Variants in RTL4 observed in about 807,000 individuals in gnomAD.
RTL4 encodes retrotransposon Gag-like protein 4.
A neutral mutation model predicts 5.3 loss-of-function variants in RTL4; 4 were observed. The ratio of observed to expected loss-of-function variants is 0.75; its 90% confidence interval spans 0.37 to 1.72. The LOEUF (loss-of-function observed/expected upper bound fraction) is 1.72, where lower values mean the gene tolerates loss of function less well. RTL4 is among the 40% of genes most tolerant of loss of function. The pLI is 0.04. For missense variants in RTL4, 260 were observed against 227.1 expected (o/e 1.14, Z -0.93); for synonymous variants, 98 against 87.3 (o/e 1.12, Z -0.68).
chrX:112,221,858 T>C, the RTL4 span, among the ~76,000 whole-genome samples: 2 of 112,778 alleles, frequency 1.8e-5, no homozygotes, highest in African/African-American at 6.4e-5. Flanking sequence ...ATTACTTTCA[T>C]TGTTTGGATG....
chrX:112,162,842 C>T, the RTL4 span, among the ~76,000 whole-genome samples: 3 of 109,806 alleles, frequency 2.7e-5, no homozygotes, highest in Admixed American at 9.7e-5. Flanking sequence ...GATCCTAAGG[C>T]GGGTAGTCTT....
the RTL4 span, among the ~76,000 whole-genome samples, chrX:112,139,242 A>C: frequency 9.0e-6 from 1 of 111,502 alleles, no homozygotes; most frequent in African/African-American, 3.3e-5. Context: ...ATTAACCTTG[A>C]TCACTTGGTT....
chrX:112,420,368 T>A, the RTL4 span, among the ~76,000 whole-genome samples: 2 of 111,192 alleles, frequency 1.8e-5, no homozygotes, highest in Non-Finnish European at 3.8e-5. Context: ...TTTTGTTGTG[T>A]CAAGAGATGT....
At chrX:112,347,435 TG>T in the RTL4 span, among the ~76,000 whole-genome samples, 2 of 111,123 alleles carry the variant, frequency 1.8e-5, no homozygotes, top group South Asian at 7.5e-4. Context: ...TCTGACTAGG[TG>T]GGGATAAGAG....
the RTL4 span, among the ~76,000 whole-genome samples, chrX:112,402,043 T>C: frequency 8.9e-6 from 1 of 112,164 alleles, no homozygotes; most frequent in Non-Finnish European, 1.9e-5. Context: ...TCTAGCTTAG[T>C]GTACCTTCTT....
chrX:112,199,288 CAAAAAAAAAA>C, the RTL4 span, among the ~76,000 whole-genome samples: 2 of 34,174 alleles, frequency 5.9e-5, no homozygotes, highest in Non-Finnish European at 1.1e-4. Flanking sequence ...GGCTCCGTCT[CAAAAAAAAAA>C]AAAAAAAAAA....
chrX:112,139,839 G>A, the RTL4 span, among the ~76,000 whole-genome samples: 369 of 111,631 alleles, frequency 3.3e-3, 1 homozygote, highest in African/African-American at 0.011. Flanking sequence ...AGTTTCCCCC[G>A]TATTGTTCTC....
chrX:112,417,874 G>A, the RTL4 span, among the ~76,000 whole-genome samples: 7 of 112,138 alleles, frequency 6.2e-5, no homozygotes, highest in East Asian at 2.0e-3. Context: ...AAAATTGATT[G>A]TGGTGGCTCA....
chrX:112,326,434 C>A, the RTL4 span, among the ~76,000 whole-genome samples: 1 of 111,576 alleles, frequency 9.0e-6, no homozygotes, highest in Non-Finnish European at 1.9e-5. Context: ...CCGAATACTG[C>A]GCTTTTCTGA....
chrX:112,376,745 G>A, the RTL4 span, among the ~76,000 whole-genome samples: 1 of 111,719 alleles, frequency 9.0e-6, no homozygotes, highest in Non-Finnish European at 1.9e-5. Context: ...TCAGCTACTC[G>A]GTATATGGCC....
chrX:112,428,656 C>T, the RTL4 span, among the ~76,000 whole-genome samples: 1 of 111,669 alleles, frequency 9.0e-6, no homozygotes, highest in South Asian at 3.7e-4. Context: ...CTATAGATGT[C>T]AATTGTATAG....
the RTL4 span, among the ~76,000 whole-genome samples, chrX:112,352,931 A>T: frequency 8.9e-6 from 1 of 111,830 alleles, no homozygotes. Context: ...CAATCTACTT[A>T]TCTGCCAAAG....
At chrX:112,131,995 C>T in the RTL4 span, among the ~76,000 whole-genome samples, 1 of 111,503 alleles carries the variant, frequency 9.0e-6, no homozygotes, top group East Asian at 2.8e-4. Context: ...AAGAAAGAGG[C>T]TTAATTAAAG....
the RTL4 span, among the ~76,000 whole-genome samples, chrX:112,386,564 C>T: frequency 9.3e-6 from 1 of 107,861 alleles, no homozygotes; most frequent in Non-Finnish European, 1.9e-5. Flanking sequence ...GTTTTTGTAT[C>T]CTCATAGCTT....
chrX:112,124,781 C>A, the RTL4 span, among the ~76,000 whole-genome samples: 4 of 110,109 alleles, frequency 3.6e-5, no homozygotes, highest in African/African-American at 1.3e-4. Flanking sequence ...GTTCTGCGCA[C>A]GTATCCTGGA....
At chrX:112,404,759 C>T in the RTL4 span, among the ~76,000 whole-genome samples, 2 of 112,687 alleles carry the variant, frequency 1.8e-5, no homozygotes, top group Non-Finnish European at 3.7e-5. Flanking sequence ...ATGGGAGTTT[C>T]TGTTCCCAGT....
the RTL4 span, among the ~76,000 whole-genome samples, chrX:112,102,718 C>T: frequency 9.0e-6 from 1 of 111,314 alleles, no homozygotes; most frequent in Admixed American, 9.6e-5. Context: ...CCAGAGTCTA[C>T]AAGGAACTTA....
chrX:112,249,763 A>C, the RTL4 span, among the ~76,000 whole-genome samples: 3 of 100,406 alleles, frequency 3.0e-5, no homozygotes, highest in East Asian at 8.9e-4. Flanking sequence ...AATTACATAT[A>C]TATATATATG....
the RTL4 span, among the ~76,000 whole-genome samples, chrX:112,138,757 T>C: frequency 2.7e-5 from 3 of 111,877 alleles, no homozygotes; most frequent in African/African-American, 9.7e-5. Flanking sequence ...TTTTAAATTA[T>C]TAACAAATAA....
Sources: allele counts gnomAD v4.1 joint callset (sites outside exome capture counted in the v4.1 genomes callset), GRCh38; gene constraint gnomAD v4.1.1; transcripts MANE v1.5; gene names NCBI Gene and HGNC (gene_info 2026-07-23, HGNC 2026-07-21).